Variants in PCDH15 observed in about 807,000 individuals in gnomAD.
The protein encoded by PCDH15 is protocadherin related 15.
PCDH15 carries 129 observed loss-of-function variants against 178.5 expected under a neutral mutation model. That is an observed-to-expected ratio of 0.72 (90% CI 0.63 to 0.84). The LOEUF is 0.84. PCDH15 is among the 40% of genes least tolerant of loss of function. The pLI, the probability that PCDH15 is intolerant of heterozygous loss-of-function variation, is 0.00. For synonymous variants in PCDH15, 800 were observed against 732.0 expected, an observed-to-expected ratio of 1.09 and a Z score of -1.50; for missense variants, 2,230 against 2,099.9, an observed-to-expected ratio of 1.06 and a Z score of -1.21.
intron 2 of PCDH15, among the ~76,000 whole-genome samples, chr10:55,496,070 G>A (rs1257617465): frequency 6.6e-6 from 1 of 151,812 alleles, no homozygotes; most frequent in Non-Finnish European, 1.5e-5. Context: ...ATATTTTGGG[G>A]AGGAGGAAAA....
intron 1 of PCDH15, among the ~76,000 whole-genome samples, chr10:55,300,545 T>A (rs1049096430): frequency 1.3e-5 from 2 of 152,130 alleles, no homozygotes; most frequent in South Asian, 4.1e-4. Flanking sequence ...TAACAAAAAA[T>A]CAGCACATTA....
At chr10:54,949,360 C>A (rs1838276008) in intron 2 of PCDH15, among the ~76,000 whole-genome samples, 1 of 151,704 alleles carries the variant, frequency 6.6e-6, no homozygotes, top group African/African-American at 2.4e-5. Flanking sequence ...CTGATAAAAC[C>A]ATTAGATCAT....
intron 5 of PCDH15, among the ~76,000 whole-genome samples, chr10:54,355,893 G>A (rs555190720): frequency 3.4e-4 from 52 of 152,040 alleles, no homozygotes; most frequent in South Asian, 1.5e-3. Flanking sequence ...TTCAATAAGC[G>A]CTCAAGGAGC....
intron 3 of PCDH15, among the ~76,000 whole-genome samples, chr10:54,825,645 T>C (rs1215089559): frequency 1.3e-5 from 2 of 151,638 alleles, no homozygotes; most frequent in African/African-American, 4.8e-5. Flanking sequence ...CATTTTTTCA[T>C]GTGTTTTTTG....
chr10:54,942,101 A>G (rs2131864636), intron 2 of PCDH15, among the ~76,000 whole-genome samples: 1 of 152,232 alleles, frequency 6.6e-6, no homozygotes, highest in Admixed American at 6.5e-5. Flanking sequence ...ATCAAAGGCC[A>G]ACGTTTATGG....
intron 1 of PCDH15, among the ~76,000 whole-genome samples, chr10:55,184,891 A>G (rs1839753778): frequency 6.6e-6 from 1 of 151,938 alleles, no homozygotes; most frequent in Non-Finnish European, 1.5e-5. Flanking sequence ...AATGCCAAAT[A>G]GAAAATGAGT....
chr10:54,273,371 C>T (rs1156675215), intron 8 of PCDH15, among the ~76,000 whole-genome samples: 2 of 88,094 alleles, frequency 2.3e-5, no homozygotes, highest in East Asian at 4.2e-4. Context: ...GGAAGTAGTA[C>T]AGTAAAAAAA....
chr10:54,098,615 A>G (rs1319356488), intron 15 of PCDH15, among the ~76,000 whole-genome samples: 1 of 152,196 alleles, frequency 6.6e-6, no homozygotes, highest in African/African-American at 2.4e-5. Flanking sequence ...GAACTTAAAG[A>G]AAAATGTTGT....
intron 2 of PCDH15, among the ~76,000 whole-genome samples, chr10:55,368,791 C>T (rs938374819): frequency 3.9e-5 from 6 of 151,952 alleles, no homozygotes. Context: ...CTTGAATCAG[C>T]TGTAGCTCAC....
At chr10:54,027,008 T>G (rs1362063382) in intron 18 of PCDH15, among the ~76,000 whole-genome samples, 1 of 147,288 alleles carries the variant, frequency 6.8e-6, no homozygotes, top group Non-Finnish European at 1.5e-5. Context: ...TTGTCCCTGT[T>G]TGCAGACGAC....
intron 2 of PCDH15, among the ~76,000 whole-genome samples, chr10:55,048,794 A>C (rs1841080229): frequency 6.6e-6 from 1 of 151,890 alleles, no homozygotes; most frequent in African/African-American, 2.4e-5. Flanking sequence ...GTATTATTTC[A>C]GTTTTTGGCA....
chr10:53,921,271 T>C (rs2133878051), intron 25 of PCDH15, among the ~76,000 whole-genome samples: 1 of 152,244 alleles, frequency 6.6e-6, no homozygotes, highest in Non-Finnish European at 1.5e-5. Flanking sequence ...TAAATGGAAA[T>C]TAAAATTCCA....
intron 2 of PCDH15, among the ~76,000 whole-genome samples, chr10:55,621,986 T>C (rs1357605079): frequency 7.0e-6 from 1 of 143,840 alleles, no homozygotes; most frequent in Non-Finnish European, 1.5e-5. Context: ...TCGTTCTCTC[T>C]CTATATATAT....
chr10:54,771,190 C>T (rs1591544734), intron 1 of PCDH15, among the ~76,000 whole-genome samples: 4 of 151,982 alleles, frequency 2.6e-5, no homozygotes, highest in Admixed American at 1.3e-4. Flanking sequence ...CTTTAATACC[C>T]CCAATATTTG....
intron 2 of PCDH15, among the ~76,000 whole-genome samples, chr10:54,611,090 T>C (rs1270007163): frequency 1.3e-5 from 2 of 151,718 alleles, no homozygotes; most frequent in African/African-American, 4.8e-5. Context: ...TCCACAAAAC[T>C]CAAAAGGAAA....
chr10:55,400,296 C>T (rs1187612795), intron 2 of PCDH15, among the ~76,000 whole-genome samples: 1 of 152,098 alleles, frequency 6.6e-6, no homozygotes, highest in African/African-American at 2.4e-5. Context: ...TGAGTGACTA[C>T]ACAGACCAGG....
chr10:54,176,173 C>T (rs6481064), intron 13 of PCDH15, among the ~76,000 whole-genome samples: 72,531 of 151,800 alleles, frequency 0.48, 19,495 homozygotes, highest in African/African-American at 0.71. Flanking sequence ...ATTCTATGGA[C>T]ATTAACTGAA....
At chr10:54,741,929 A>T (rs532351509) in intron 1 of PCDH15, among the ~76,000 whole-genome samples, 1 of 152,008 alleles carries the variant, frequency 6.6e-6, no homozygotes, top group Non-Finnish European at 1.5e-5. Context: ...CCCACTTACC[A>T]TGGGCTATAA....
intron 2 of PCDH15, among the ~76,000 whole-genome samples, chr10:54,937,815 A>T (rs1837944986): frequency 6.6e-6 from 1 of 152,060 alleles, no homozygotes; most frequent in South Asian, 2.1e-4. Context: ...ATACTTAAAA[A>T]TTTCTTATTC....
Sources: gnomAD v4.1 joint callset for allele counts (sites outside exome capture counted in the v4.1 genomes callset) on GRCh38, gnomAD v4.1.1 for gene constraint, MANE v1.5 for transcripts, NCBI Gene and HGNC (gene_info 2026-07-23, HGNC 2026-07-21) for gene names.